The following PLD5 variants were observed in gnomAD, a reference collection of about 807,000 sequenced individuals.
PLD5 encodes the protein phospholipase D family member 5.
A neutral mutation model predicts 61.1 loss-of-function variants in PLD5; 36 were observed. The observed-to-expected ratio is 0.59, with a 90% CI of 0.45 to 0.78. The LOEUF (loss-of-function observed/expected upper bound fraction) is 0.78. Among genes scored for constraint, PLD5 ranks in the 30% least tolerant of loss-of-function variants. The pLI, the probability that PLD5 is intolerant of heterozygous loss-of-function variation, is 0.00. For missense variants in PLD5, 515 were observed against 644.4 expected (o/e 0.80, Z 2.17); for synonymous variants, 243 against 242.8 (o/e 1.00, Z -0.01).
intron 1 of PLD5, among the ~76,000 whole-genome samples, chr1:242,485,526 C>T (rs1384248668): frequency 6.6e-6 from 1 of 152,088 alleles, no homozygotes; most frequent in African/African-American, 2.4e-5. Context: ...AGGACCTCTT[C>T]AAGGAGAACT....
intron 1 of PLD5, among the ~76,000 whole-genome samples, chr1:242,382,827 G>A (rs1437463077): frequency 6.6e-6 from 1 of 152,068 alleles, no homozygotes; most frequent in African/African-American, 2.4e-5. Flanking sequence ...AATTATATAT[G>A]TTTCATCAAA....
At chr1:242,210,983 C>T (rs929517559) in intron 5 of PLD5, among the ~76,000 whole-genome samples, 2 of 152,190 alleles carry the variant, frequency 1.3e-5, no homozygotes, top group Non-Finnish European at 2.9e-5. Flanking sequence ...TGGAAGCTAG[C>T]TGAGGTTGGT....
At chr1:242,203,962 T>C (rs1669153457) in intron 5 of PLD5, among the ~76,000 whole-genome samples, 1 of 152,108 alleles carries the variant, frequency 6.6e-6, no homozygotes, top group Admixed American at 6.5e-5. Flanking sequence ...TTAGGCCGGT[T>C]GCGGTGGCTC....
intron 5 of PLD5, among the ~76,000 whole-genome samples, chr1:242,128,212 G>A (rs1662946666): frequency 6.6e-6 from 1 of 152,116 alleles, no homozygotes; most frequent in Non-Finnish European, 1.5e-5. Context: ...AGCTGAGGTG[G>A]GAGGATCCCT....
At chr1:242,146,303 T>C (rs1033916977) in intron 5 of PLD5, among the ~76,000 whole-genome samples, 10 of 152,204 alleles carry the variant, frequency 6.6e-5, no homozygotes, top group African/African-American at 2.4e-4. Context: ...ACTTCCTGAT[T>C]CCAAATGACC....
At chr1:242,202,943 G>T (rs773781831) in intron 5 of PLD5, among the ~76,000 whole-genome samples, 1 of 152,068 alleles carries the variant, frequency 6.6e-6, no homozygotes, top group Non-Finnish European at 1.5e-5. Context: ...TTGTTTACCC[G>T]AGAGACCGAA....
intron 1 of PLD5, among the ~76,000 whole-genome samples, chr1:242,516,809 T>C (rs1262415305): frequency 2.6e-5 from 4 of 152,250 alleles, no homozygotes; most frequent in Non-Finnish European, 4.4e-5. Context: ...CCCTTTGCAT[T>C]GCCATATAAA....
chr1:242,319,606 G>T (rs1189891284), intron 2 of PLD5, among the ~76,000 whole-genome samples: 1 of 152,102 alleles, frequency 6.6e-6, no homozygotes, highest in Non-Finnish European at 1.5e-5. Context: ...GGGAATTCCT[G>T]GTTGGCCCCA....
chr1:242,403,763 G>C (rs866474404), intron 1 of PLD5, among the ~76,000 whole-genome samples: 14 of 152,218 alleles, frequency 9.2e-5, no homozygotes, highest in Middle Eastern at 6.8e-3. Flanking sequence ...ATGTCTGGAA[G>C]CTCCTGGGTG....
chr1:242,098,972 G>A lies in PLD5; in HGVS notation c.1354+1696C>T, dbSNP rs187834493. 1.2e-3 allele frequency among the ~76,000 whole-genome samples: 181 copies of A among 152,240 alleles called. 2 individuals are homozygous for A. The highest frequency in any genetic ancestry group is 4.2e-3 in the African/African-American group (173 of 41,556). On this transcript the variant is annotated intron_variant, in intron 9 of 9. Transcript: ENST00000536534. ...TGTGAGGTGTCAGTCTGCCCCTACT[G>A]GGGGGTGCCTCCCAGTTAGGCTACT...
intron 2 of PLD5, among the ~76,000 whole-genome samples, chr1:242,304,433 C>T (rs934915927): frequency 2.0e-5 from 3 of 152,166 alleles, no homozygotes; most frequent in African/African-American, 7.2e-5. Flanking sequence ...TGTATCTTTT[C>T]ACAGTCTGAA....
At chr1:242,434,775 A>G (rs909173910) in intron 1 of PLD5, among the ~76,000 whole-genome samples, 1 of 151,948 alleles carries the variant, frequency 6.6e-6, no homozygotes, top group Non-Finnish European at 1.5e-5. Flanking sequence ...CACCACACCC[A>G]GCTAATTTTT....
At chr1:242,366,883 C>A (rs567045258) in intron 1 of PLD5, among the ~76,000 whole-genome samples, 52 of 152,168 alleles carry the variant, frequency 3.4e-4, no homozygotes, top group African/African-American at 1.2e-3. Flanking sequence ...TTGTGTTTTA[C>A]AACCCTGGTT....
At chr1:242,483,394 G>C (rs936360794) in intron 1 of PLD5, among the ~76,000 whole-genome samples, 2 of 152,170 alleles carry the variant, frequency 1.3e-5, no homozygotes, top group African/African-American at 4.8e-5. Context: ...ACAAAAAAAG[G>C]CAGGGGTTTC....
intron 1 of PLD5, among the ~76,000 whole-genome samples, chr1:242,349,011 A>G (rs575260697): frequency 1.6e-4 from 24 of 152,242 alleles, no homozygotes; most frequent in Non-Finnish European, 2.9e-4. Context: ...CCAAGATCGC[A>G]CCACTGCACT....
intron 4 of PLD5, among the ~76,000 whole-genome samples, chr1:242,235,088 G>T (rs1005024451): frequency 3.3e-5 from 5 of 152,154 alleles, no homozygotes; most frequent in Non-Finnish European, 7.4e-5. Flanking sequence ...TGACAAAAGT[G>T]CTCTGAAACG....
chr1:242,124,916 A>T (rs1662667493), intron 5 of PLD5, among the ~76,000 whole-genome samples: 1 of 152,156 alleles, frequency 6.6e-6, no homozygotes, highest in Non-Finnish European at 1.5e-5. Context: ...TCTTATATTC[A>T]TCTATACTTT....
chr1:242,125,991 C>T (rs1256090641), intron 5 of PLD5, among the ~76,000 whole-genome samples: 1 of 152,156 alleles, frequency 6.6e-6, no homozygotes, highest in African/African-American at 2.4e-5. Context: ...CCTGATATAT[C>T]TTTGTGCGCC....
At chr1:242,107,510 T>C (rs943667431) in intron 8 of PLD5, among the ~76,000 whole-genome samples, 161 bp downstream of exon 8, 1 of 152,236 alleles carries the variant, frequency 6.6e-6, no homozygotes. Context: ...TACTCTTTTT[T>C]TCGTATGTGA....
Sources: gnomAD v4.1 joint callset for allele counts (sites outside exome capture counted in the v4.1 genomes callset) on GRCh38, gnomAD v4.1.1 for gene constraint, MANE v1.5 for transcripts, NCBI Gene and HGNC (gene_info 2026-07-23, HGNC 2026-07-21) for gene names.